Variants in KLHL6 observed in about 807,000 individuals in gnomAD.
The protein encoded by KLHL6 is kelch-like protein 6.
In KLHL6, 41 loss-of-function variants were observed where a neutral mutation model predicts 58.6. The observed-to-expected ratio is 0.70, with a 90% CI of 0.55 to 0.91. The LOEUF is 0.91. Among genes scored for constraint, KLHL6 ranks in the 40% least tolerant of loss-of-function variants. The pLI, the probability that KLHL6 is intolerant of heterozygous loss-of-function variation, is 0.00. For missense variants in KLHL6, 714 were observed against 805.6 expected (o/e 0.89, Z 1.38); for synonymous variants, 338 against 322.7 (o/e 1.05, Z -0.51).
intron 4 of KLHL6, among the ~76,000 whole-genome samples, chr3:183,498,849 GC>G (rs1717785584): frequency 6.6e-6 from 1 of 152,174 alleles, no homozygotes; most frequent in South Asian, 2.1e-4. Context: ...AAAGTATTGG[GC>G]CCTACTGAAC....
At chr3:183,543,063 C>T (rs184486969) in intron 1 of KLHL6, among the ~76,000 whole-genome samples, 221 of 152,246 alleles carry the variant, frequency 1.5e-3, no homozygotes, top group African/African-American at 5.1e-3. Context: ...GAGGCTGAGG[C>T]GGGCAGATCA....
intron 2 of KLHL6, among the ~76,000 whole-genome samples, chr3:183,509,374 C>T (rs979897983): frequency 3.3e-5 from 5 of 152,154 alleles, no homozygotes; most frequent in Non-Finnish European, 2.9e-5. Context: ...GAGAAAAGCA[C>T]GTCACAAATC....
intron 3 of KLHL6, among the ~76,000 whole-genome samples, chr3:183,502,698 A>G (rs114470141): frequency 2.0e-4 from 31 of 152,350 alleles, no homozygotes; most frequent in African/African-American, 6.0e-4. Context: ...CTTGAATCTC[A>G]TAATGAACTT....
At chr3:183,496,440 C>A (rs765107456) in intron 4 of KLHL6, among the ~76,000 whole-genome samples, 22 of 152,210 alleles carry the variant, frequency 1.4e-4, no homozygotes, top group Non-Finnish European at 2.5e-4. Flanking sequence ...ACAATATATA[C>A]AAAATTCTTA....
rs202038571 is a variant in KLHL6, at chr3:183,491,898, G to T, written c.*29C>A. On this transcript the variant is annotated 3_prime_UTR_variant, in exon 7 of 7. Coordinates refer to ENST00000341319, the MANE Select transcript of KLHL6 (RefSeq NM_130446.4). Reference sequence around the variant, plus strand: ...GGTGAGGCGGGTACGCTGAGGGTCGGGGGGGCTCTCCAGCTCCCCATCCTG... The same window carrying T: ...GGTGAGGCGGGTACGCTGAGGGTCGTGGGGGCTCTCCAGCTCCCCATCCTG... The T allele has an allele frequency of 8.2e-6, 12 of 1,458,276 alleles. No homozygotes were observed. Among genetic ancestry groups the T allele is most frequent in the Non-Finnish European group, 1.1e-5 (12 of 1,101,370 alleles). 90.3% of individuals were successfully genotyped at this position (1,458,276 alleles called of 1,614,324 possible). A position where few individuals can be genotyped will look rare whatever the true frequency, so the allele number is the denominator to read the frequency against.
chr3:183,551,489 G>A (rs926775296), intron 1 of KLHL6, among the ~76,000 whole-genome samples: 13 of 152,126 alleles, frequency 8.5e-5, no homozygotes, highest in African/African-American at 2.9e-4. Flanking sequence ...AAGACAAAAG[G>A]TTTACAAGAA....
chr3:183,509,248 A>G (rs1718110818), intron 2 of KLHL6, among the ~76,000 whole-genome samples: 1 of 152,218 alleles, frequency 6.6e-6, no homozygotes, highest in African/African-American at 2.4e-5. Context: ...AATGACTAAT[A>G]TTTGGTGCTA....
chr3:183,497,148 G>A (rs888196791), intron 4 of KLHL6, among the ~76,000 whole-genome samples: 1 of 151,894 alleles, frequency 6.6e-6, no homozygotes, highest in South Asian at 2.1e-4. Flanking sequence ...ATGGTGGTGG[G>A]CACCTGTAAT....
chr3:183,544,002 A>G (rs537306373), intron 1 of KLHL6, among the ~76,000 whole-genome samples: 123 of 152,196 alleles, frequency 8.1e-4, no homozygotes, highest in Non-Finnish European at 1.4e-3. Flanking sequence ...CATCTCTACT[A>G]AAAATACAAA....
chr3:183,502,188 G>A (rs924506455), intron 3 of KLHL6, among the ~76,000 whole-genome samples: 1 of 152,062 alleles, frequency 6.6e-6, no homozygotes, highest in Admixed American at 6.5e-5. Context: ...TGTAATCCTA[G>A]CTACTCGGGA....
rs142059163 is a variant in KLHL6, at chr3:183,508,102, G to A, written c.866C>T (p.Pro289Leu). The A allele has an allele frequency of 1.8e-5, 29 of 1,614,002 alleles. 1 individual carries two copies. Among genetic ancestry groups the A allele is most frequent in the Admixed American group, 6.7e-5 (4 of 59,994 alleles). Residue 289 changes from proline (P) to leucine (L), a missense_variant, in exon 3 of 7, where the codon CCG becomes CTG. Physicochemically the swap from Pro to Leu is moderately conservative, Grantham distance 98 (BLOSUM62 -3). This residue lies in a region of KLHL6 where 510 missense variants were observed against 629.7 expected (regional missense o/e 0.81). Coordinates refer to ENST00000341319, the MANE Select transcript of KLHL6 (RefSeq NM_130446.4). The stretch of plus-strand genomic sequence containing the variant: ...GTACATCCTGGCTTCCTGGAGCAGC[G>A]GGAAGACCTCTGGGCACTGCCTGAT... ...PLIRQCPEVF[P>L]LLQEARMYHL... is the part of the protein sequence containing the mutation.
intron 1 of KLHL6, among the ~76,000 whole-genome samples, chr3:183,533,083 G>T (rs759104167): frequency 6.6e-6 from 1 of 152,182 alleles, no homozygotes; most frequent in Non-Finnish European, 1.5e-5. Flanking sequence ...TTAGGGAGCC[G>T]TTATCTCCCA....
chr3:183,512,742 T>C (rs1462915507), intron 2 of KLHL6, among the ~76,000 whole-genome samples: 1 of 152,086 alleles, frequency 6.6e-6, no homozygotes, highest in Non-Finnish European at 1.5e-5. Context: ...CCACCCACCT[T>C]GGCCTCCCAA....
rs1365508697 is a variant in KLHL6, at chr3:183,546,910, T to TG, written c.293+8450_293+8451insC. ...CGGACTGAAACCCCAGTGCCATAAG[T>TG]CTTTTTTTTTTTTTTTTTTGACGGA... is the stretch of plus-strand genomic sequence containing the variant. On this transcript the variant is annotated intron_variant, in intron 1 of 6. Transcript: ENST00000341319. 7.8e-4 allele frequency among the ~76,000 whole-genome samples: 58 copies of TG among 74,020 alleles called. No individual in the cohort carries two copies. In the East Asian group the frequency reaches 0.019, roughly 24 times the overall value. The allele number at this position is 74,020 out of a possible 152,430, so 48.6% of individuals were successfully genotyped here. A position where few individuals can be genotyped will look rare whatever the true frequency, so the allele number is the denominator to read the frequency against.
intron 4 of KLHL6, among the ~76,000 whole-genome samples, chr3:183,497,522 C>G (rs1717747223): frequency 6.6e-6 from 1 of 152,170 alleles, no homozygotes. Context: ...TTTCCCAGGT[C>G]CCTGCACCCA....
rs377426357 is a variant in KLHL6, at chr3:183,492,549, G to A, written c.1509C>T (p.Pro503=). 5.6e-6 allele frequency: 9 copies of A among 1,614,198 alleles called. No individual in the cohort carries two copies. The highest frequency in any genetic ancestry group is 2.2e-5 in the East Asian group (1 of 44,888). Residue 503 remains proline (P), a synonymous_variant, in exon 6 of 7, where the codon CCC becomes CCT. Transcript: ENST00000341319. This position sits in a 1 kb window ranked among gnomAD's most constrained non-coding sequence, Gnocchi z 5.9. ...CTGCATTGATGCATTTAGCCTCCAC[G>A]GGCATGGCCGCCTTCAAACTCCACT... ...TNKWSLKAAM[P]VEAKCINAVS...
rs755964120 is a variant in KLHL6 at position 183,555,655 on chromosome 3, G to A, written c.-2C>T. On this transcript the variant is annotated 5_prime_UTR_variant, in exon 1 of 7. Transcript: ENST00000341319. ...GCCCCTTTGTCCTGCCATCAACATC[G>A]AGACTGAAGGAGCGCCCAAGTGTCA... 7.0e-6 allele frequency: 11 copies of A among 1,574,268 alleles called. No individual in the cohort carries two copies. Among genetic ancestry groups the A allele is most frequent in the East Asian group, 6.7e-5 (3 of 44,552 alleles).
At position 183,499,820 on chromosome 3, in the gene KLHL6, G is replaced by T. The variant is rs1460869404; in HGVS notation, c.917C>A (p.Ser306Ter). 1 of 1,575,024 alleles carries T rather than the reference G, an allele frequency of 6.3e-7. No individual in the cohort carries two copies. Among genetic ancestry groups the T allele is most frequent in the South Asian group, 1.2e-5 (1 of 85,138 alleles). Residue 306 changes from serine to a stop codon, truncating the protein, a stop_gained, in exon 4 of 7, where the codon TCG becomes TAG. Coordinates refer to ENST00000341319, the MANE Select transcript of KLHL6 (RefSeq NM_130446.4). LOFTEE classifies it high-confidence loss of function. The surrounding 1 kb of genome is among the most constrained non-coding windows in gnomAD (Gnocchi z 4.6). ...MYHLSGNEII[S>*]ERTKPRMHEF... is the part of the protein sequence containing the mutation. Reference sequence around the variant, plus strand: ...ATGCATCCTGGGCTTGGTGCGTTCCGAAATGATCTGGAAATCGATGGGGGT... The same window carrying T: ...ATGCATCCTGGGCTTGGTGCGTTCCTAAATGATCTGGAAATCGATGGGGGT...
chr3:183,542,587 C>A (rs1023788451), intron 1 of KLHL6, among the ~76,000 whole-genome samples: 1 of 152,106 alleles, frequency 6.6e-6, no homozygotes, highest in Non-Finnish European at 1.5e-5. Flanking sequence ...CTCTTTCTTC[C>A]GTCTGATTTA....
Sources: gnomAD v4.1 joint callset for allele counts (sites outside exome capture counted in the v4.1 genomes callset) on GRCh38, gnomAD v4.1.1 for gene constraint, gnomAD v4.1.1 regional missense constraint, Gnocchi (gnomAD v3.1) non-coding constraint, MANE v1.5 for transcripts, NCBI Gene and HGNC (gene_info 2026-07-23, HGNC 2026-07-21) for gene names.